Variants in DAPK1 observed in about 807,000 individuals in gnomAD.
DAPK1 encodes death-associated protein kinase 1.
Under a neutral mutation model 144.9 loss-of-function variants are expected in DAPK1, and 56 were observed. The ratio of observed to expected loss-of-function variants is 0.39; its 90% CI spans 0.31 to 0.48. The LOEUF (loss-of-function observed/expected upper bound fraction) is 0.48, where lower values mean the gene tolerates loss of function less well. Among genes scored for constraint, DAPK1 ranks in the 20% least tolerant of loss-of-function variants. The pLI is 0.95. For synonymous variants in DAPK1, 690 were observed against 749.0 expected (o/e 0.92, Z 1.29); for missense variants, 1,454 against 1,875.4 (o/e 0.78, Z 4.15).
At chr9:87,521,664 A>G (rs894837000) in intron 2 of DAPK1, among the ~76,000 whole-genome samples, 1 of 152,216 alleles carries the variant, frequency 6.6e-6, no homozygotes, top group African/African-American at 2.4e-5. Context: ...CTTTTTTTCC[A>G]GCTTTATCCA....
rs1026626629 is a variant in DAPK1, at chr9:87,706,435, G to A, written c.3364G>A (p.Glu1122Lys). The A allele has an allele frequency of 5.6e-6, 9 of 1,613,402 alleles. No individual in the cohort carries two copies. Among genetic ancestry groups the A allele is most frequent in the Non-Finnish European group, 7.6e-6 (9 of 1,179,566 alleles). Residue 1122 changes from glutamate to lysine, a missense_variant, in exon 26 of 26, where the codon GAG (glutamate) becomes AAG (lysine). Coordinates refer to ENST00000408954, the MANE Select transcript of DAPK1 (RefSeq NM_004938.4). The surrounding 1 kb of genome is among the most constrained non-coding windows in gnomAD (Gnocchi z 9.0). ...LHRSWADEED[E>K]VMVYGGVRIV... ...CCGCTCCTGGGCTGATGAGGAGGACGAGGTGATGGTGTATGGTGGCGTGCG... is the reference window on the plus strand; with the variant it reads ...CCGCTCCTGGGCTGATGAGGAGGACAAGGTGATGGTGTATGGTGGCGTGCG...
chr9:87,588,042 G>A (rs1827998030), intron 2 of DAPK1, among the ~76,000 whole-genome samples: 2 of 152,196 alleles, frequency 1.3e-5, no homozygotes, highest in African/African-American at 2.4e-5. Context: ...CAATCATTGA[G>A]GTACCTGAGT....
intron 19 of DAPK1, among the ~76,000 whole-genome samples, chr9:87,679,644 G>C (rs1824531167): frequency 6.6e-6 from 1 of 152,224 alleles, no homozygotes; most frequent in Non-Finnish European, 1.5e-5. Context: ...GCTGAATCTA[G>C]ATTTTCCTGT....
chr9:87,610,668 G>T (rs541821034), intron 3 of DAPK1, among the ~76,000 whole-genome samples: 1 of 152,212 alleles, frequency 6.6e-6, no homozygotes, highest in Non-Finnish European at 1.5e-5. Flanking sequence ...AATGAGGATG[G>T]TTGGCCTCCA....
At chr9:87,536,768 T>A (rs539189633) in intron 2 of DAPK1, among the ~76,000 whole-genome samples, 11 of 152,294 alleles carry the variant, frequency 7.2e-5, no homozygotes, top group Non-Finnish European at 1.2e-4. Context: ...TATATTCTCT[T>A]TGAGAATATT....
At chr9:87,537,507 G>T (rs1190916438) in intron 2 of DAPK1, among the ~76,000 whole-genome samples, 1 of 152,034 alleles carries the variant, frequency 6.6e-6, no homozygotes, top group Non-Finnish European at 1.5e-5. Context: ...GTGCATGTGT[G>T]TAGTATGTGA....
intron 2 of DAPK1, among the ~76,000 whole-genome samples, chr9:87,565,026 A>G (rs1827064793): frequency 6.6e-6 from 1 of 152,178 alleles, no homozygotes; most frequent in Admixed American, 6.5e-5. Context: ...AACACAGTGA[A>G]AACCAGGAAG....
At chr9:87,500,472 C>T (rs1397359387) in intron 2 of DAPK1, among the ~76,000 whole-genome samples, 1 of 152,014 alleles carries the variant, frequency 6.6e-6, no homozygotes, top group Non-Finnish European at 1.5e-5. Context: ...TGGAGTTTTC[C>T]TTTGGGACTG....
chr9:87,702,628 T>G (rs1395141150), intron 24 of DAPK1, among the ~76,000 whole-genome samples: 1 of 152,184 alleles, frequency 6.6e-6, no homozygotes, highest in African/African-American at 2.4e-5. Context: ...AAAACGTTCC[T>G]AGAAGACTCA....
rs200627640 is a variant in DAPK1, at chr9:87,706,378, G to A, written c.3307G>A (p.Val1103Ile). The A allele has an allele frequency of 2.2e-4, 354 of 1,610,554 alleles. No individual in the cohort carries two copies. The highest frequency in any genetic ancestry group is 2.4e-4 in the Non-Finnish European group (286 of 1,178,376). ...CCTGAGCAGCGGGACCATGGTGGAC[G>A]TCCCAGCCCTGATCAAGACAGACAA... ...RDLSSGTMVD[V>I]PALIKTDNLH... The change falls in exon 26 of 26, where the codon GTC becomes ATC. Residue 1103 changes from valine to isoleucine, a missense_variant. Val to Ile is a conservative substitution (Grantham distance 29). Coordinates refer to ENST00000408954, the MANE Select transcript of DAPK1 (RefSeq NM_004938.4). This position sits in a 1 kb window ranked among gnomAD's most constrained non-coding sequence, Gnocchi z 9.0.
intron 16 of DAPK1, chr9:87,650,575 T>G: frequency 4.9e-6 from 1 of 202,362 alleles, no homozygotes; most frequent in Non-Finnish European, 1.0e-5. Context: ...ATTAAACAAA[T>G]TCAGCCTCAT....
Position 87,571,488 on chromosome 9 carries a change from CACACACCCCA to C in DAPK1, c.63-33459_63-33450del, listed in dbSNP as rs1428628828. ...ACACACACACACCAACACACACACA[CACACACCCCA>C]ACACACACACACACACACACACACA... On this transcript the variant is annotated intron_variant, in intron 2 of 25. Transcript: ENST00000408954. Among the ~76,000 whole-genome samples the C allele has an allele frequency of 7.7e-3, 396 of 51,546 alleles. 41 individuals are homozygous for C. Among genetic ancestry groups the C allele is most frequent in the African/African-American group, 0.036 (365 of 10,038 alleles). The allele number at this position is 51,546 out of a possible 152,430, so 33.8% of individuals were successfully genotyped here.
intron 2 of DAPK1, among the ~76,000 whole-genome samples, chr9:87,602,274 C>T (rs79337849): frequency 0.046 from 6,942 of 152,300 alleles, 237 homozygotes; most frequent in East Asian, 0.14. Flanking sequence ...AGCATCCACA[C>T]AGAGCCTTCC....
At chr9:87,627,865 A>G (rs1829542450) in intron 3 of DAPK1, among the ~76,000 whole-genome samples, 1 of 152,216 alleles carries the variant, frequency 6.6e-6, no homozygotes, top group African/African-American at 2.4e-5. Context: ...GCTGCGGGGA[A>G]TATTGCACCG....
At chr9:87,647,574 A>C (rs36213345) in intron 14 of DAPK1, among the ~76,000 whole-genome samples, 171 bp downstream of exon 14, 184 of 152,332 alleles carry the variant, frequency 1.2e-3, no homozygotes, top group African/African-American at 4.3e-3. Flanking sequence ...TTGGTCTAAT[A>C]CTGAAATCAG....
chr9:87,536,332 CA>C (rs749463307), intron 2 of DAPK1, among the ~76,000 whole-genome samples: 1 of 152,110 alleles, frequency 6.6e-6, no homozygotes, highest in Non-Finnish European at 1.5e-5. Flanking sequence ...TGCCTATCTG[CA>C]AGTGAAGGTG....
rs577945689 is a variant in DAPK1 at position 87,697,916 on chromosome 9, T to C, written c.2611+712T>C. 2.6e-5 allele frequency among the ~76,000 whole-genome samples: 4 copies of C among 152,260 alleles called. No homozygotes were observed. The South Asian group carries it at 8.3e-4, about 32-fold the overall frequency. ...CTGCAGTGAGCCAAGATCGTGCCAC[T>C]GCACTTAGCCTGGGTGACACAGTGA... On this transcript the variant is annotated intron_variant, in intron 22 of 25. Transcript: ENST00000408954.
At chr9:87,680,128 G>A (rs765666340) in intron 19 of DAPK1, among the ~76,000 whole-genome samples, 51 of 150,922 alleles carry the variant, frequency 3.4e-4, no homozygotes, top group African/African-American at 9.5e-4. Flanking sequence ...CTTTTGAGAC[G>A]GAGTCTCACT....
intron 2 of DAPK1, among the ~76,000 whole-genome samples, chr9:87,550,039 T>A (rs1826418877): frequency 6.6e-6 from 1 of 152,208 alleles, no homozygotes; most frequent in South Asian, 2.1e-4. Context: ...GTAAAGTTTA[T>A]ATGTAGTGAA....
Sources: allele counts gnomAD v4.1 joint callset (sites outside exome capture counted in the v4.1 genomes callset), GRCh38; gene constraint gnomAD v4.1.1; non-coding constraint Gnocchi (gnomAD v3.1); transcripts MANE v1.5; gene names NCBI Gene and HGNC (gene_info 2026-07-23, HGNC 2026-07-21).